HTT: variants seen among roughly 807,000 people sequenced by gnomAD.
The protein encoded by HTT is huntington disease protein.
Under a neutral mutation model 362.3 loss-of-function variants are expected in HTT, and 104 were observed. That is an observed-to-expected ratio of 0.29 (90% CI 0.24 to 0.34). HTT has a LOEUF of 0.34. HTT is among the 10% of genes least tolerant of loss of function. HTT has a pLI of 1.00. For synonymous variants in HTT, 1,577 were observed against 1,548.7 expected, an observed-to-expected ratio of 1.02 and a Z score of -0.43; for missense variants, 3,301 against 3,928.6, an observed-to-expected ratio of 0.84 and a Z score of 4.27.
At chr4:3,132,148 G>C (rs752447542) in intron 16 of HTT, among the ~76,000 whole-genome samples, 1 of 152,244 alleles carries the variant, frequency 6.6e-6, no homozygotes, top group Non-Finnish European at 1.5e-5. Context: ...GTGGACCCAA[G>C]TCTCCATCGC....
chr4:3,154,265 G>A, intron 26 of HTT, 28 bp from the exon 27 acceptor site: 1 of 1,514,332 alleles, frequency 6.6e-7, no homozygotes. Flanking sequence ...TTGTTTTTTT[G>A]TTTTTTGTTT....
intron 40 of HTT, among the ~76,000 whole-genome samples, chr4:3,194,465 A>T (rs1252649233): frequency 6.6e-6 from 1 of 152,242 alleles, no homozygotes; most frequent in Non-Finnish European, 1.5e-5. Flanking sequence ...AGGAGGTGGA[A>T]ACATCAGCTT....
At chr4:3,088,280 A>T (rs902094399) in intron 2 of HTT, among the ~76,000 whole-genome samples, 1 of 146,692 alleles carries the variant, frequency 6.8e-6, no homozygotes, top group African/African-American at 2.6e-5. Context: ...TCTGCCTCCC[A>T]GGTTCACGCC....
chr4:3,214,851 G>T (rs1051241963), intron 50 of HTT, among the ~76,000 whole-genome samples: 3 of 152,214 alleles, frequency 2.0e-5, no homozygotes, highest in Admixed American at 1.3e-4. Context: ...CAGGGTGAGA[G>T]ATGGCCAACA....
At chr4:3,145,785 G>A (rs1282119409) in intron 24 of HTT, among the ~76,000 whole-genome samples, 1 of 152,200 alleles carries the variant, frequency 6.6e-6, no homozygotes, top group Non-Finnish European at 1.5e-5. Flanking sequence ...CATTTGAGAA[G>A]TAAACCTGCA....
Position 3,074,711 on chromosome 4 carries a change from G to C in HTT, c.-115G>C, listed in dbSNP as rs1712368422. The C allele has an allele frequency of 8.8e-7, 1 of 1,134,014 alleles. No homozygotes were observed. The highest frequency in any genetic ancestry group is 1.2e-6 in the Non-Finnish European group (1 of 842,364). The allele number at this position is 1,134,014 out of a possible 1,614,324, so 70.2% of individuals were successfully genotyped here. A position where few individuals can be genotyped will look rare whatever the true frequency, so the allele number is the denominator to read the frequency against. On this transcript the variant is annotated 5_prime_UTR_variant, in exon 1 of 67. Coordinates refer to ENST00000355072, the MANE Select transcript of HTT (RefSeq NM_001388492.1). ...CGGGACGGGTCCAAGATGGACGGCC[G>C]CTCAGGTTCTGCTTTTACCTGCGGC... is the stretch of plus-strand genomic sequence containing the variant.
chr4:3,188,868 C>G (rs760130758), intron 39 of HTT, 83 bp from the exon 40 acceptor site: 7 of 1,306,010 alleles, frequency 5.4e-6, no homozygotes, highest in Non-Finnish European at 7.6e-6. Flanking sequence ...TTTATATTTA[C>G]CATATATCTT....
intron 38 of HTT, 146 bp downstream of exon 38, chr4:3,186,865 TG>T: frequency 1.5e-6 from 1 of 686,142 alleles, no homozygotes; most frequent in South Asian, 1.9e-5. Context: ...TTTTTTGGTG[TG>T]GGGGTGGTGC....
In HTT at chr4:3,074,890, A is replaced by AGCG. The variant is rs2110128714; in HGVS notation, c.67_68insGGC (p.Gln22_Gln23insArg). On this transcript the variant is annotated inframe_insertion, in exon 1 of 67. Transcript: ENST00000355072. ...CTCAAGTCCTTCCAGCAGCAGCAGC[A>AGCG]GCAGCAGCAGCAGCAGCAGCAGCAG... 7.0e-7 allele frequency: 1 copy of AGCG among 1,432,470 alleles called. No homozygotes were observed. Among genetic ancestry groups the AGCG allele is most frequent in the African/African-American group, 1.6e-5 (1 of 63,504 alleles). 88.7% of individuals were successfully genotyped at this position (1,432,470 alleles called of 1,614,324 possible).
intron 49 of HTT, 147 bp downstream of exon 49, chr4:3,212,856 C>T: frequency 2.4e-6 from 2 of 824,106 alleles, no homozygotes; most frequent in Non-Finnish European, 1.9e-6. Context: ...AGTCTTGTCA[C>T]CGTCAAGTTA....
At chr4:3,223,966 C>G in intron 55 of HTT, 26 bp from the exon 56 acceptor site, 1 of 1,613,048 alleles carries the variant, frequency 6.2e-7, no homozygotes, top group Non-Finnish European at 8.5e-7. Context: ...AAACAAAACA[C>G]TCTTTACCTT....
At chr4:3,128,528 C>A (rs1715630041) in intron 12 of HTT, 4 of 152,034 alleles carry the variant, frequency 2.6e-5, no homozygotes, top group Non-Finnish European at 4.4e-5. Context: ...CCTTAAGGAG[C>A]CTATTATAAA....
intron 10 of HTT, chr4:3,123,277 T>C: frequency 5.0e-6 from 1 of 199,104 alleles, no homozygotes; most frequent in Middle Eastern, 1.9e-3. Flanking sequence ...TTTTGCAACA[T>C]TCAGCTCTGC....
At chr4:3,077,228 T>G (rs1712606123) in intron 1 of HTT, among the ~76,000 whole-genome samples, 1 of 152,146 alleles carries the variant, frequency 6.6e-6, no homozygotes, top group Non-Finnish European at 1.5e-5. Flanking sequence ...TACATTGACA[T>G]GATACAAATT....
At chr4:3,229,244 ACG>A (rs958931581) in intron 59 of HTT, among the ~76,000 whole-genome samples, 51 of 143,266 alleles carry the variant, frequency 3.6e-4, no homozygotes, top group Non-Finnish European at 6.9e-4. Flanking sequence ...CCACACACAC[ACG>A]CCACACCACA....
At chr4:3,187,583 T>G in intron 38 of HTT, 68 bp from the exon 39 acceptor site, 1 of 1,093,780 alleles carries the variant, frequency 9.1e-7, no homozygotes, top group Non-Finnish European at 1.4e-6. Context: ...TTCACAAAAT[T>G]GGCAATTGGG....
intron 46 of HTT, 114 bp downstream of exon 46, chr4:3,209,025 C>G: frequency 6.0e-6 from 7 of 1,169,676 alleles, no homozygotes; most frequent in Non-Finnish European, 7.0e-6. Flanking sequence ...TTCTGGCGCT[C>G]GGCTCGGCTC....
At chr4:3,229,055 C>T (rs767744805) in intron 59 of HTT, 46 bp downstream of exon 59, 3 of 1,580,998 alleles carry the variant, frequency 1.9e-6, no homozygotes, top group East Asian at 2.3e-5. Context: ...GTGCCACACG[C>T]ACCACACACG....
At chr4:3,170,182 G>T (rs547884113) in intron 29 of HTT, among the ~76,000 whole-genome samples, 1 of 152,098 alleles carries the variant, frequency 6.6e-6, no homozygotes, top group African/African-American at 2.4e-5. Context: ...TGTTCCCATA[G>T]ATCTTCTTGA....
Sources: gnomAD v4.1 joint callset for allele counts (sites outside exome capture counted in the v4.1 genomes callset) on GRCh38, gnomAD v4.1.1 for gene constraint, MANE v1.5 for transcripts, NCBI Gene and HGNC (gene_info 2026-07-23, HGNC 2026-07-21) for gene names.